The following CCDC33 variants were observed in gnomAD, a reference collection of about 807,000 sequenced individuals.
CCDC33 encodes coiled-coil domain-containing protein 33.
In CCDC33, 94 loss-of-function variants were observed where a neutral mutation model predicts 91.9. That is an observed-to-expected ratio of 1.02 (90% CI 0.87 to 1.21). The LOEUF (loss-of-function observed/expected upper bound fraction) is 1.21. Ranked by LOEUF, CCDC33 falls within the 50% of genes most tolerant of loss-of-function variation. CCDC33 has a pLI of 0.00. For missense variants in CCDC33, 940 were observed against 935.5 expected, an observed-to-expected ratio of 1.00 and a Z score of -0.06; for synonymous variants, 396 against 374.5, an observed-to-expected ratio of 1.06 and a Z score of -0.66.
chr15:74,313,135 C>T (rs954578226), intron 11 of CCDC33, among the ~76,000 whole-genome samples: 10 of 152,186 alleles, frequency 6.6e-5, no homozygotes, highest in Non-Finnish European at 1.3e-4. Flanking sequence ...CTCTGTTTCC[C>T]TTGAGCAGCA....
chr15:74,312,497 G>A (rs957609784), intron 11 of CCDC33, among the ~76,000 whole-genome samples: 1 of 152,198 alleles, frequency 6.6e-6, no homozygotes, highest in African/African-American at 2.4e-5. Context: ...ACATCGGTAA[G>A]TGCTCGTTAC....
chr15:74,240,326 A>G (rs2075306645), intron 1 of CCDC33, among the ~76,000 whole-genome samples: 1 of 152,136 alleles, frequency 6.6e-6, no homozygotes, highest in Non-Finnish European at 1.5e-5. Flanking sequence ...GCTGCCAGGG[A>G]GCCAATGAGA....
At chr15:74,209,209 G>A (rs1055937263) in intron 1 of CCDC33, 4 of 1,047,294 alleles carry the variant, frequency 3.8e-6, no homozygotes, top group Admixed American at 2.4e-5. Flanking sequence ...TGTCTCCAGC[G>A]GTATAGCCTC....
chr15:74,297,657 G>A (rs896618002), intron 11 of CCDC33, among the ~76,000 whole-genome samples: 2 of 152,122 alleles, frequency 1.3e-5, no homozygotes, highest in Non-Finnish European at 2.9e-5. Flanking sequence ...TCGTGCTACT[G>A]TACTCCAGCT....
chr15:74,214,213 T>G (rs1434722920), upstream of CCDC33, among the ~76,000 whole-genome samples: 3 of 152,006 alleles, frequency 2.0e-5, no homozygotes, highest in African/African-American at 7.2e-5. Flanking sequence ...AGGCCCTGGC[T>G]CTTCCAAACA....
downstream of CCDC33, chr15:74,336,257 C>G (rs1359930325): frequency 2.1e-6 from 3 of 1,420,836 alleles, no homozygotes; most frequent in Non-Finnish European, 2.8e-6. Context: ...CCCGCCTGCC[C>G]CAGGAGCCAG....
At chr15:74,254,644 CT>C (rs1032880983) in intron 2 of CCDC33, among the ~76,000 whole-genome samples, 3 of 152,172 alleles carry the variant, frequency 2.0e-5, no homozygotes, top group African/African-American at 7.2e-5. Flanking sequence ...TACCCTGTCT[CT>C]GGCCACTCCA....
Position 74,266,660 on chromosome 15 carries a change from C to T in CCDC33, c.320-18C>T, listed in dbSNP as rs1047967518. On this transcript the variant is annotated intron_variant, in intron 3 of 18. Coordinates refer to ENST00000398814, the MANE Select transcript of CCDC33 (RefSeq NM_025055.5). Reference sequence around the variant, plus strand: ...ATCCATTTAAAAATAAACCTGGGCTCATTTTTTCTCTTTCCAGATGTGATC... The same window carrying T: ...ATCCATTTAAAAATAAACCTGGGCTTATTTTTTCTCTTTCCAGATGTGATC... 2.6e-6 allele frequency: 4 copies of T among 1,561,930 alleles called. No homozygotes were observed. The East Asian group carries it at 9.0e-5, about 35-fold the overall frequency.
At chr15:74,223,871 G>A (rs1455972081) in intron 2 of CCDC33, among the ~76,000 whole-genome samples, 7 of 146,046 alleles carry the variant, frequency 4.8e-5, no homozygotes, top group Non-Finnish European at 1.1e-4. Flanking sequence ...ATTTGGAAGA[G>A]CCTTTTCCTT....
chr15:74,244,014 C>T lies in CCDC33; in HGVS notation c.51C>T (p.Ile17=), dbSNP rs778105434. Residue 17 remains isoleucine, a synonymous_variant, in exon 2 of 19, where the codon ATC becomes ATT. Transcript: ENST00000398814. This position sits in a 1 kb window ranked among gnomAD's most constrained non-coding sequence, Gnocchi z 4.2. ...KNTEDPEEPL[I]ASQSTEPEIG... is the part of the protein sequence containing the mutation. ...CTGAAGACCCAGAGGAGCCCCTGAT[C>T]GCCTCCCAGAGCACGGAACCTGAGA... 3.7e-6 allele frequency: 6 copies of T among 1,613,480 alleles called. No homozygotes were observed. Among genetic ancestry groups the T allele is most frequent in the East Asian group, 2.2e-5 (1 of 44,852 alleles).
chr15:74,315,112 C>T (rs1049055833), intron 11 of CCDC33, among the ~76,000 whole-genome samples: 6 of 152,194 alleles, frequency 3.9e-5, no homozygotes, highest in Non-Finnish European at 4.4e-5. Flanking sequence ...AGCAACTGTG[C>T]GACTCCAGGA....
chr15:74,291,273 C>T lies in CCDC33; in HGVS notation c.1096-4481C>T, dbSNP rs577067674. On this transcript the variant is annotated intron_variant, in intron 10 of 18. Coordinates refer to ENST00000398814, the MANE Select transcript of CCDC33 (RefSeq NM_025055.5). ...CGCCTACAGCTGAAGAGATAAGAACCTACAACTGCAGCCACAGGAAATGAC... is the reference window on the plus strand; with the variant it reads ...CGCCTACAGCTGAAGAGATAAGAACTTACAACTGCAGCCACAGGAAATGAC... Among the ~76,000 whole-genome samples, 8 of 152,356 alleles carry T rather than the reference C, an allele frequency of 5.3e-5. No homozygotes were observed. In the South Asian group the frequency reaches 1.0e-3, roughly 20 times the overall value.
rs2075162735 is a variant in CCDC33 at position 74,236,524 on chromosome 15, C to T, written c.-196C>T. Reference sequence around the variant, plus strand: ...CTCCCACCTGGCCACCCTCCCCCTCCCCCCACATCCAGGCCCCAGGGCTGG... The same window carrying T: ...CTCCCACCTGGCCACCCTCCCCCTCTCCCCACATCCAGGCCCCAGGGCTGG... On this transcript the variant is annotated 5_prime_UTR_variant, in exon 1 of 19. Transcript: ENST00000398814. 2.3e-6 allele frequency: 1 copy of T among 426,582 alleles called. No individual in the cohort carries two copies. The highest frequency in any genetic ancestry group is 4.0e-5 in the South Asian group (1 of 25,226). 26.4% of individuals were successfully genotyped at this position (426,582 alleles called of 1,614,324 possible). A position where few individuals can be genotyped will look rare whatever the true frequency, so the allele number is the denominator to read the frequency against.
rs767493515 is a variant in CCDC33, at chr15:74,244,054, C to T, written c.91C>T (p.Pro31Ser). Residue 31 changes from proline to serine, a missense_variant, in exon 2 of 19, where the codon CCC becomes TCC. Physicochemically the swap from Pro to Ser is moderately conservative, Grantham distance 74. Coordinates refer to ENST00000398814, the MANE Select transcript of CCDC33 (RefSeq NM_025055.5). The surrounding 1 kb of genome is among the most constrained non-coding windows in gnomAD (Gnocchi z 4.2). The stretch of plus-strand genomic sequence containing the variant: ...GGAACCTGAGATCGGTCACCTGTCT[C>T]CCTCTAAGAAGGAGACCATCATGGT... ...STEPEIGHLSPSKKETIMVTL... is the reference protein window; with the variant it reads ...STEPEIGHLSSSKKETIMVTL... 1.3e-5 allele frequency: 20 copies of T among 1,570,634 alleles called. No individual in the cohort carries two copies. Among genetic ancestry groups the T allele is most frequent in the Non-Finnish European group, 1.7e-5 (20 of 1,152,810 alleles).
intron 2 of CCDC33, among the ~76,000 whole-genome samples, chr15:74,219,673 T>C (rs1260051395): frequency 1.3e-5 from 2 of 151,768 alleles, no homozygotes; most frequent in Admixed American, 1.3e-4. Context: ...TGGAAGAGGG[T>C]TTATTTGAGG....
intron 12 of CCDC33, 46 bp downstream of exon 12, chr15:74,330,400 C>T: frequency 6.6e-7 from 1 of 1,506,470 alleles, no homozygotes; most frequent in Non-Finnish European, 8.9e-7. Flanking sequence ...TCTGCCTGGG[C>T]CCAGGCTCCA....
intron 2 of CCDC33, among the ~76,000 whole-genome samples, chr15:74,260,369 C>G (rs61360860): frequency 0.022 from 3,352 of 152,270 alleles, 120 homozygotes; most frequent in African/African-American, 0.077. Context: ...TCTGGATGGA[C>G]GCTCATCTGA....
intron 11 of CCDC33, chr15:74,303,255 C>A (rs1280156266): frequency 6.6e-6 from 1 of 152,434 alleles, no homozygotes; most frequent in Non-Finnish European, 1.5e-5. Flanking sequence ...TGGGATTGGC[C>A]CCCAGGAGCA....
chr15:74,237,236 G>A (rs759922493), intron 1 of CCDC33, among the ~76,000 whole-genome samples: 11 of 152,352 alleles, frequency 7.2e-5, no homozygotes, highest in East Asian at 1.9e-4. Context: ...GTTGATCACC[G>A]TATCCCCAGC....
Sources: gnomAD v4.1 joint callset for allele counts (sites outside exome capture counted in the v4.1 genomes callset) on GRCh38, gnomAD v4.1.1 for gene constraint, Gnocchi (gnomAD v3.1) non-coding constraint, MANE v1.5 for transcripts, NCBI Gene and HGNC (gene_info 2026-07-23, HGNC 2026-07-21) for gene names.